CSMD1: variants seen among roughly 807,000 people sequenced by gnomAD.
CSMD1 encodes CUB and Sushi multiple domains 1, also known as CUB and sushi domain-containing protein 1.
Under a neutral mutation model 417.5 loss-of-function variants are expected in CSMD1, and 213 were observed. That is an observed-to-expected ratio of 0.51 (90% confidence interval 0.46 to 0.57). CSMD1 has a LOEUF of 0.57. Among genes scored for constraint, CSMD1 ranks in the 20% least tolerant of loss-of-function variants. CSMD1 has a pLI of 0.00. For missense variants in CSMD1, 6,923 were observed against 4,529.7 expected, an observed-to-expected ratio of 1.53 and a Z score of -15.17; for synonymous variants, 2,862 against 1,736.8, an observed-to-expected ratio of 1.65 and a Z score of -16.11.
At chr8:3,019,650 C>G (rs1282859259) in intron 51 of CSMD1, among the ~76,000 whole-genome samples, 1 of 152,158 alleles carries the variant, frequency 6.6e-6, no homozygotes, top group Non-Finnish European at 1.5e-5. Context: ...ATGGGGTGAC[C>G]CTATGCCCCA....
intron 54 of CSMD1, among the ~76,000 whole-genome samples, chr8:2,991,315 G>C (rs986086129): frequency 2.6e-5 from 4 of 152,172 alleles, no homozygotes; most frequent in African/African-American, 9.7e-5. Context: ...TTCTGTAACA[G>C]GGTAAGGACT....
chr8:4,874,016 A>G (rs1017901598), intron 1 of CSMD1, among the ~76,000 whole-genome samples: 3 of 152,138 alleles, frequency 2.0e-5, no homozygotes, highest in Non-Finnish European at 2.9e-5. Context: ...TTGTAATCGC[A>G]TGATTAGTCT....
chr8:3,020,876 C>A (rs1230779739), intron 51 of CSMD1, among the ~76,000 whole-genome samples: 1 of 152,196 alleles, frequency 6.6e-6, no homozygotes, highest in African/African-American at 2.4e-5. Context: ...ATATCGTTTG[C>A]ATTTAGTAAT....
chr8:3,107,380 C>G (rs1249317995), intron 45 of CSMD1, among the ~76,000 whole-genome samples: 1 of 152,100 alleles, frequency 6.6e-6, no homozygotes, highest in Non-Finnish European at 1.5e-5. Flanking sequence ...GTCCCCCTAA[C>G]TGAAAGCAAA....
intron 10 of CSMD1, among the ~76,000 whole-genome samples, chr8:3,534,195 A>G (rs1358860116): frequency 2.0e-5 from 3 of 151,864 alleles, no homozygotes; most frequent in African/African-American, 4.8e-5. Flanking sequence ...TCACTTACTC[A>G]CTCCTGCAAT....
intron 3 of CSMD1, among the ~76,000 whole-genome samples, chr8:4,291,130 C>G (rs1252969181): frequency 6.6e-6 from 1 of 152,014 alleles, no homozygotes; most frequent in Admixed American, 6.6e-5. Flanking sequence ...TGACAGGAAT[C>G]TGAGTCTTAA....
chr8:4,003,366 C>G (rs891623822), intron 4 of CSMD1, among the ~76,000 whole-genome samples: 3 of 151,802 alleles, frequency 2.0e-5, no homozygotes, highest in African/African-American at 7.3e-5. Context: ...GCACTCCAGC[C>G]TGGGCGACAC....
At chr8:4,674,460 A>G (rs890686749) in intron 1 of CSMD1, among the ~76,000 whole-genome samples, 1 of 152,168 alleles carries the variant, frequency 6.6e-6, no homozygotes, top group Non-Finnish European at 1.5e-5. Context: ...CACCTGGCAG[A>G]GGAGGCTGTG....
At chr8:3,020,715 G>C (rs1391815790) in intron 51 of CSMD1, among the ~76,000 whole-genome samples, 1 of 152,038 alleles carries the variant, frequency 6.6e-6, no homozygotes, top group Non-Finnish European at 1.5e-5. Flanking sequence ...CAAATGTTCA[G>C]ACAGAGACAC....
intron 36 of CSMD1, among the ~76,000 whole-genome samples, chr8:3,184,564 C>A (rs1458190330): frequency 6.6e-6 from 1 of 152,196 alleles, no homozygotes; most frequent in Admixed American, 6.5e-5. Context: ...TTGCCTTCTT[C>A]TTACGCATTT....
chr8:4,730,763 A>G (rs1480867350), intron 1 of CSMD1, among the ~76,000 whole-genome samples: 1 of 151,880 alleles, frequency 6.6e-6, no homozygotes. Context: ...AAAAAAAAAA[A>G]GAATAAAGGA....
intron 5 of CSMD1, among the ~76,000 whole-genome samples, chr8:3,933,408 C>T (rs1026793689): frequency 8.5e-5 from 13 of 152,154 alleles, no homozygotes; most frequent in African/African-American, 2.9e-4. Context: ...TCTATCAGGA[C>T]TTGTATGTAT....
intron 11 of CSMD1, among the ~76,000 whole-genome samples, chr8:3,484,827 T>G (rs570801424): frequency 6.6e-6 from 1 of 152,166 alleles, no homozygotes; most frequent in African/African-American, 2.4e-5. Context: ...TGACAAAATG[T>G]TCAGTATCAT....
At chr8:3,050,132 G>C (rs369787457) in intron 50 of CSMD1, among the ~76,000 whole-genome samples, 10 of 150,956 alleles carry the variant, frequency 6.6e-5, no homozygotes, top group African/African-American at 2.4e-4. Context: ...CTGATGATTG[G>C]TCTCCACCTA....
At chr8:3,817,575 G>C (rs1266139124) in intron 5 of CSMD1, among the ~76,000 whole-genome samples, 11 of 151,864 alleles carry the variant, frequency 7.2e-5, no homozygotes, top group Non-Finnish European at 1.5e-4. Flanking sequence ...CACTGCGCCT[G>C]GCCATCTTCT....
At chr8:3,477,882 T>G (rs1817520868) in intron 11 of CSMD1, among the ~76,000 whole-genome samples, 1 of 152,320 alleles carries the variant, frequency 6.6e-6, no homozygotes, top group Middle Eastern at 3.4e-3. Context: ...TGTGTACCAC[T>G]GCAGAGGGCC....
At chr8:4,441,533 T>C (rs982495327) in intron 2 of CSMD1, among the ~76,000 whole-genome samples, 2 of 152,164 alleles carry the variant, frequency 1.3e-5, no homozygotes, top group South Asian at 2.1e-4. Flanking sequence ...TCAATTTTCA[T>C]GTGCAAAACA....
rs576040780 is a variant in CSMD1 at position 3,495,187 on chromosome 8, C to T, written c.1345-1461G>A. ...TAAATACTGCATGTTAAACGTAGCACCTGATATTTTTATTTCTACTTTTTG... is the reference window on the plus strand; with the variant it reads ...TAAATACTGCATGTTAAACGTAGCATCTGATATTTTTATTTCTACTTTTTG... On this transcript the variant is annotated intron_variant, in intron 10 of 69. Coordinates refer to ENST00000635120, the MANE Select transcript of CSMD1 (RefSeq NM_033225.6). Among the ~76,000 whole-genome samples, 8 of 152,244 alleles carry T rather than the reference C, an allele frequency of 5.3e-5. No individual in the cohort carries two copies. The South Asian group carries it at 1.0e-3, about 20-fold the overall frequency.
At chr8:4,057,815 G>C (rs180840562) in intron 3 of CSMD1, among the ~76,000 whole-genome samples, 159 of 152,206 alleles carry the variant, frequency 1.0e-3, no homozygotes, top group African/African-American at 3.6e-3. Context: ...GCTTGTTTTT[G>C]TCAGGTTTGT....
Sources: gnomAD v4.1 joint callset for allele counts (sites outside exome capture counted in the v4.1 genomes callset) on GRCh38, gnomAD v4.1.1 for gene constraint, MANE v1.5 for transcripts, NCBI Gene and HGNC (gene_info 2026-07-23, HGNC 2026-07-21) for gene names.